The following RAB38 variants were observed in gnomAD, a reference collection of about 807,000 sequenced individuals.
The protein encoded by RAB38 is ras-related protein Rab-38.
A neutral mutation model predicts 18.4 loss-of-function variants in RAB38; 15 were observed. The ratio of observed to expected loss-of-function variants is 0.82; its 90% CI spans 0.55 to 1.26. The LOEUF is 1.26. RAB38 is among the 50% of genes most tolerant of loss of function. RAB38 has a pLI of 0.00. For missense variants in RAB38, 294 were observed against 267.4 expected (o/e 1.10, Z -0.69); for synonymous variants, 101 against 104.4 (o/e 0.97, Z 0.20).
chr11:87,902,207 C>T, the RAB38 span, among the ~76,000 whole-genome samples: 1 of 151,394 alleles, frequency 6.6e-6, no homozygotes, highest in African/African-American at 2.4e-5. Flanking sequence ...AGGATATAGC[C>T]AATATTCCAG....
the RAB38 span, among the ~76,000 whole-genome samples, chr11:87,922,276 GCA>G: frequency 1.3e-5 from 2 of 151,880 alleles, no homozygotes; most frequent in African/African-American, 4.8e-5. Flanking sequence ...CCCCCACAAT[GCA>G]CACCCTCTAA....
At chr11:88,091,534 C>T in the RAB38 span, among the ~76,000 whole-genome samples, 1 of 152,038 alleles carries the variant, frequency 6.6e-6, no homozygotes, top group Admixed American at 6.6e-5. Flanking sequence ...ATCACCACCT[C>T]TTGCTGTCTT....
the RAB38 span, among the ~76,000 whole-genome samples, chr11:88,022,322 A>C: frequency 1.8e-4 from 28 of 152,114 alleles, no homozygotes; most frequent in African/African-American, 6.3e-4. Context: ...AACCCTCAAA[A>C]AAAAAAGAGT....
chr11:88,101,416 A>G, the RAB38 span, among the ~76,000 whole-genome samples: 1 of 151,992 alleles, frequency 6.6e-6, no homozygotes, highest in African/African-American at 2.4e-5. Flanking sequence ...TTGGTTAAAT[A>G]AACCACAGTA....
At chr11:87,891,547 A>C in the RAB38 span, among the ~76,000 whole-genome samples, 1 of 151,830 alleles carries the variant, frequency 6.6e-6, no homozygotes, top group African/African-American at 2.4e-5. Flanking sequence ...GATCATCTAA[A>C]GAACCGAGTT....
the RAB38 span, among the ~76,000 whole-genome samples, chr11:88,031,375 C>T: frequency 0.016 from 2,304 of 148,012 alleles, 53 homozygotes; most frequent in African/African-American, 0.055. Context: ...GAAGTTCTGG[C>T]CAGGGCAATT....
At chr11:88,084,228 T>C in the RAB38 span, among the ~76,000 whole-genome samples, 4 of 151,560 alleles carry the variant, frequency 2.6e-5, no homozygotes, top group Non-Finnish European at 4.4e-5. Context: ...AATAGGGAAA[T>C]TGGGAGACAA....
chr11:88,096,916 C>G, the RAB38 span, among the ~76,000 whole-genome samples: 1 of 151,538 alleles, frequency 6.6e-6, no homozygotes. Flanking sequence ...AGGGGGGACT[C>G]TTTTTTCATA....
chr11:88,080,622 C>T, the RAB38 span, among the ~76,000 whole-genome samples: 5 of 151,816 alleles, frequency 3.3e-5, no homozygotes, highest in African/African-American at 9.7e-5. Context: ...CCCACGTAAA[C>T]TGATTTTAAG....
At chr11:87,926,992 T>C in the RAB38 span, among the ~76,000 whole-genome samples, 1 of 152,062 alleles carries the variant, frequency 6.6e-6, no homozygotes, top group African/African-American at 2.4e-5. Context: ...AGGAACATGA[T>C]GACATGTGGA....
At chr11:88,010,328 G>C in the RAB38 span, among the ~76,000 whole-genome samples, 1 of 152,136 alleles carries the variant, frequency 6.6e-6, no homozygotes, top group African/African-American at 2.4e-5. Flanking sequence ...TCCAGCTCAA[G>C]TTCTATAAGA....
the RAB38 span, among the ~76,000 whole-genome samples, chr11:87,810,849 G>A: frequency 6.1e-4 from 92 of 151,736 alleles, no homozygotes; most frequent in African/African-American, 2.0e-3. Flanking sequence ...CAGTGTATCC[G>A]TACATGTCTG....
At chr11:87,805,548 A>T in the RAB38 span, among the ~76,000 whole-genome samples, 1 of 151,710 alleles carries the variant, frequency 6.6e-6, no homozygotes, top group African/African-American at 2.4e-5. Flanking sequence ...GAACCATAGG[A>T]TAGAGGGAGG....
chr11:87,872,581 C>T, the RAB38 span, among the ~76,000 whole-genome samples: 1 of 151,562 alleles, frequency 6.6e-6, no homozygotes, highest in African/African-American at 2.4e-5. Flanking sequence ...CCTAAAAATC[C>T]CCTGTGCTAT....
chr11:87,949,093 C>G, the RAB38 span, among the ~76,000 whole-genome samples: 1 of 152,098 alleles, frequency 6.6e-6, no homozygotes. Flanking sequence ...TTAAGAGATT[C>G]AACTTCTTCC....
At chr11:88,159,627 A>G (rs1943165199) in intron 1 of RAB38, among the ~76,000 whole-genome samples, 2 of 152,148 alleles carry the variant, frequency 1.3e-5, no homozygotes, top group South Asian at 4.1e-4. Context: ...TTACAAAAAC[A>G]GACACATAGA....
chr11:88,062,786 T>C, the RAB38 span, among the ~76,000 whole-genome samples: 1 of 152,188 alleles, frequency 6.6e-6, no homozygotes, highest in Non-Finnish European at 1.5e-5. Flanking sequence ...TTGGGTAGCA[T>C]TTGCCTCAAT....
the RAB38 span, among the ~76,000 whole-genome samples, chr11:87,854,470 T>C: frequency 1.7e-3 from 258 of 152,244 alleles, 1 homozygote; most frequent in African/African-American, 6.1e-3. Context: ...AATAGGAAAA[T>C]GATCCACTCT....
the RAB38 span, among the ~76,000 whole-genome samples, chr11:87,898,951 T>C: frequency 6.6e-6 from 1 of 151,642 alleles, no homozygotes; most frequent in Non-Finnish European, 1.5e-5. Flanking sequence ...TATTTTGTCT[T>C]CTGACAGCCT....
Sources: allele counts gnomAD v4.1 joint callset (sites outside exome capture counted in the v4.1 genomes callset), GRCh38; gene constraint gnomAD v4.1.1; transcripts MANE v1.5; gene names NCBI Gene and HGNC (gene_info 2026-07-23, HGNC 2026-07-21).